UBE2L6: variants seen among roughly 807,000 people sequenced by gnomAD.
UBE2L6 encodes ubiquitin conjugating enzyme E2 L6, also known as ubiquitin/ISG15-conjugating enzyme E2 L6.
In UBE2L6, 11 loss-of-function variants were observed where a neutral mutation model predicts 13.6. That is an observed-to-expected ratio of 0.81 (90% CI 0.51 to 1.34). UBE2L6 has a LOEUF of 1.34. Ranked by LOEUF, UBE2L6 falls within the 40% of genes most tolerant of loss-of-function variation. UBE2L6 has a pLI of 0.00. For synonymous variants in UBE2L6, 74 were observed against 83.2 expected (o/e 0.89, Z 0.60); for missense variants, 197 against 199.5 (o/e 0.99, Z 0.07).
intron 1 of UBE2L6, among the ~76,000 whole-genome samples, chr11:57,561,694 G>C (rs570036561): frequency 6.6e-6 from 1 of 152,160 alleles, no homozygotes; most frequent in African/African-American, 2.4e-5. Context: ...GGTAAATCTC[G>C]GCTAAAGAGG....
At chr11:57,554,820 G>T (rs1354902388) in intron 2 of UBE2L6, among the ~76,000 whole-genome samples, 197 bp from the exon 3 acceptor site, 1 of 152,228 alleles carries the variant, frequency 6.6e-6, no homozygotes, top group African/African-American at 2.4e-5. Context: ...GGCCTGGGAG[G>T]CAGAGAAGTC....
At chr11:57,559,323 T>C (rs1391637438) in intron 2 of UBE2L6, among the ~76,000 whole-genome samples, 2 of 152,070 alleles carry the variant, frequency 1.3e-5, no homozygotes, top group Non-Finnish European at 2.9e-5. Context: ...CAATAAAAAG[T>C]AAATCCTGCC....
intron 2 of UBE2L6, 116 bp downstream of exon 2, chr11:57,560,221 C>A (rs972798532): frequency 1.3e-6 from 1 of 786,294 alleles, no homozygotes; most frequent in Non-Finnish European, 2.3e-6. Flanking sequence ...GCAATGATAA[C>A]CTCCAGTAAA....
Position 57,567,663 on chromosome 11 carries a change from C to A in UBE2L6, c.-52G>T. 6.4e-7 allele frequency: 1 copy of A among 1,574,220 alleles called. No individual in the cohort carries two copies. The highest frequency in any genetic ancestry group is 1.2e-5 in the South Asian group (1 of 86,388). On this transcript the variant is annotated 5_prime_UTR_variant, in exon 1 of 4. Transcript: ENST00000287156. ...GGCCTCCAGCAGGACCGAGCTCCGA[C>A]CCGCGACACAGCGCGCCCCGCCCCG...
intron 2 of UBE2L6, among the ~76,000 whole-genome samples, chr11:57,555,122 C>T (rs2135273993): frequency 6.6e-6 from 1 of 152,310 alleles, no homozygotes; most frequent in South Asian, 2.1e-4. Flanking sequence ...AAAGATTAGA[C>T]ACAGAATTAC....
Position 57,566,956 on chromosome 11 carries a change from C to G in UBE2L6, c.27+629G>C, listed in dbSNP as rs368014939. 7.1e-4 allele frequency: 151 copies of G among 213,478 alleles called. 2 individuals are homozygous for G. The highest frequency in any genetic ancestry group is 1.1e-3 in the East Asian group (8 of 7,052). 13.2% of individuals were successfully genotyped at this position (213,478 alleles called of 1,614,324 possible). A position where few individuals can be genotyped will look rare whatever the true frequency, so the allele number is the denominator to read the frequency against. Reference sequence around the variant, plus strand: ...GTGTTCATCTCTGCCCGCCCCCCCCCCCCTCCTAGAACAGGGCCAGCACAT... The same window carrying G: ...GTGTTCATCTCTGCCCGCCCCCCCCGCCCTCCTAGAACAGGGCCAGCACAT... On this transcript the variant is annotated intron_variant, in intron 1 of 3. Coordinates refer to ENST00000287156, the MANE Select transcript of UBE2L6 (RefSeq NM_004223.5).
chr11:57,558,066 T>G (rs904728891), intron 2 of UBE2L6, among the ~76,000 whole-genome samples: 2 of 152,104 alleles, frequency 1.3e-5, no homozygotes, highest in African/African-American at 4.8e-5. Context: ...AAATAAAGGA[T>G]TTTGCTACTT....
intron 2 of UBE2L6, among the ~76,000 whole-genome samples, chr11:57,557,731 A>G (rs1173186246): frequency 6.6e-6 from 1 of 152,128 alleles, no homozygotes; most frequent in African/African-American, 2.4e-5. Flanking sequence ...CTTGAGCCAA[A>G]TTAACCTCTT....
chr11:57,567,436 T>C, intron 1 of UBE2L6, 149 bp downstream of exon 1: 3 of 1,152,390 alleles, frequency 2.6e-6, no homozygotes, highest in Middle Eastern at 2.1e-4. Flanking sequence ...CTCCTCTGAG[T>C]AGAGGGCGGG....
intron 3 of UBE2L6, among the ~76,000 whole-genome samples, chr11:57,552,788 A>T: frequency 6.6e-6 from 1 of 152,158 alleles, no homozygotes; most frequent in Non-Finnish European, 1.5e-5. Flanking sequence ...TCTGGGTCTT[A>T]TCCCCATTTC....
At chr11:57,563,492 AAAAAAG>A (rs958924611) in intron 1 of UBE2L6, among the ~76,000 whole-genome samples, 4 of 151,486 alleles carry the variant, frequency 2.6e-5, no homozygotes, top group African/African-American at 7.3e-5. Flanking sequence ...AAAAAAAAAA[AAAAAAG>A]AAAGAAAGAA....
At chr11:57,558,205 A>C (rs1462286362) in intron 2 of UBE2L6, among the ~76,000 whole-genome samples, 2 of 151,978 alleles carry the variant, frequency 1.3e-5, no homozygotes, top group Admixed American at 6.6e-5. Flanking sequence ...CAGCCTCCTG[A>C]GTAGCTGGGA....
intron 1 of UBE2L6, chr11:57,567,192 C>T: frequency 2.2e-6 from 1 of 460,748 alleles, no homozygotes; most frequent in Non-Finnish European, 4.3e-6. Context: ...GGACTTCATC[C>T]TGGTCATCTG....
At chr11:57,564,947 T>G (rs530256226) in intron 1 of UBE2L6, among the ~76,000 whole-genome samples, 1 of 151,768 alleles carries the variant, frequency 6.6e-6, no homozygotes, top group Non-Finnish European at 1.5e-5. Context: ...GACAGTACAA[T>G]AAGAAAGAAA....
chr11:57,563,944 C>T (rs1455971870), intron 1 of UBE2L6, among the ~76,000 whole-genome samples: 1 of 152,092 alleles, frequency 6.6e-6, no homozygotes, highest in African/African-American at 2.4e-5. Context: ...AGTATGCCTA[C>T]AGGATCTAGA....
At chr11:57,567,700 C>A (rs2270765), upstream of UBE2L6, 134 of 1,486,984 alleles carry the variant, frequency 9.0e-5, 1 homozygote, top group East Asian at 3.4e-3. Flanking sequence ...CCCGGGGACC[C>A]CACCCCCGGC....
rs763249896 is a variant in UBE2L6 at position 57,560,400 on chromosome 11, T to C, written c.60A>G (p.Pro20=). The C allele has an allele frequency of 6.2e-7, 1 of 1,613,814 alleles. No homozygotes were observed. Among genetic ancestry groups the C allele is most frequent in the South Asian group, 1.1e-5 (1 of 91,058 alleles). ...ELEDLQKKPP[P]YLRNLSSDDA... ...CATCGCTGGACAGGTTCCGCAGGTA[T>C]GGGGGAGGCTTCTTCTGAAGATCCT... Residue 20 remains proline, a synonymous_variant, in exon 2 of 4, where the codon CCA becomes CCG. Coordinates refer to ENST00000287156, the MANE Select transcript of UBE2L6 (RefSeq NM_004223.5).
chr11:57,561,613 C>T (rs938306558), intron 1 of UBE2L6, among the ~76,000 whole-genome samples: 1 of 152,118 alleles, frequency 6.6e-6, no homozygotes. Context: ...AGATGGGAAA[C>T]ATAAGTACAG....
intron 1 of UBE2L6, among the ~76,000 whole-genome samples, chr11:57,564,636 C>G (rs1216990191): frequency 6.6e-6 from 1 of 151,884 alleles, no homozygotes; most frequent in Non-Finnish European, 1.5e-5. Flanking sequence ...AACCACATCT[C>G]TACTAAAAAT....
Sources: allele counts gnomAD v4.1 joint callset (sites outside exome capture counted in the v4.1 genomes callset), GRCh38; gene constraint gnomAD v4.1.1; transcripts MANE v1.5; gene names NCBI Gene and HGNC (gene_info 2026-07-23, HGNC 2026-07-21).